VPS13C: variants seen among roughly 807,000 people sequenced by gnomAD.
VPS13C encodes the protein vacuolar protein sorting 13 homolog C, also known as intermembrane lipid transfer protein VPS13C.
Under a neutral mutation model 456.8 loss-of-function variants are expected in VPS13C, and 358 were observed. That is an observed-to-expected ratio of 0.78 (90% CI 0.72 to 0.86). The LOEUF (loss-of-function observed/expected upper bound fraction) is 0.86. Among genes scored for constraint, VPS13C ranks in the 40% least tolerant of loss-of-function variants. VPS13C has a pLI of 0.00. For synonymous variants in VPS13C, 1,578 were observed against 1,486.7 expected, an observed-to-expected ratio of 1.06 and a Z score of -1.41; for missense variants, 4,818 against 4,385.4, an observed-to-expected ratio of 1.10 and a Z score of -2.79.
At chr15:61,959,840 G>A (rs1205240397) in intron 35 of VPS13C, among the ~76,000 whole-genome samples, 1 of 152,038 alleles carries the variant, frequency 6.6e-6, no homozygotes, top group African/African-American at 2.4e-5. Context: ...GTGAAAAATT[G>A]AATAAGTTTT....
intron 35 of VPS13C, 29 bp downstream of exon 35, chr15:61,961,560 T>G: frequency 6.6e-7 from 1 of 1,515,902 alleles, no homozygotes; most frequent in Non-Finnish European, 8.8e-7. Flanking sequence ...AATATAATAT[T>G]TAAATCCATA....
At chr15:62,025,492 C>T (rs1354097829) in intron 6 of VPS13C, among the ~76,000 whole-genome samples, 1 of 152,040 alleles carries the variant, frequency 6.6e-6, no homozygotes, top group Non-Finnish European at 1.5e-5. Context: ...CCAGTCTAGC[C>T]CTGAAAACCA....
chr15:61,864,842 T>G lies in VPS13C; in HGVS notation c.10864-1314A>C, dbSNP rs762094013. On this transcript the variant is annotated intron_variant, in intron 81 of 84. Coordinates refer to ENST00000644861, the MANE Select transcript of VPS13C (RefSeq NM_020821.3). ...ATTTCTTCAAAGAGAAAATGGGAAA[T>G]GAATTTAATAATGTAATGCATTTAT... 3.7e-5 allele frequency: 36 copies of G among 980,122 alleles called. No homozygotes were observed. The South Asian group carries it at 7.6e-4, about 21-fold the overall frequency. The allele number at this position is 980,122 out of a possible 1,614,324, so 60.7% of individuals were successfully genotyped here. A position where few individuals can be genotyped will look rare whatever the true frequency, so the allele number is the denominator to read the frequency against.
chr15:61,900,869 G>C (rs907934036), intron 66 of VPS13C, among the ~76,000 whole-genome samples: 2 of 151,462 alleles, frequency 1.3e-5, no homozygotes, highest in Middle Eastern at 3.4e-3. Flanking sequence ...ATACTACAAG[G>C]CTACAGTAAC....
At chr15:62,053,897 T>A (rs772364271) in intron 1 of VPS13C, among the ~76,000 whole-genome samples, 1 of 152,158 alleles carries the variant, frequency 6.6e-6, no homozygotes, top group Admixed American at 6.5e-5. Flanking sequence ...TCTGAGGGCA[T>A]TGCACTTGGC....
At chr15:62,017,766 T>C (rs938996262) in intron 9 of VPS13C, among the ~76,000 whole-genome samples, 14 of 152,238 alleles carry the variant, frequency 9.2e-5, no homozygotes, top group Non-Finnish European at 1.5e-4. Flanking sequence ...CTTGGCAATG[T>C]GGGCTCTTTT....
intron 15 of VPS13C, among the ~76,000 whole-genome samples, chr15:62,006,752 C>T (rs964806321): frequency 6.6e-6 from 1 of 152,140 alleles, no homozygotes; most frequent in Non-Finnish European, 1.5e-5. Flanking sequence ...TTCTCCACAT[C>T]CTCTCCAGCA....
At chr15:62,011,713 C>G (rs554600276) in intron 12 of VPS13C, among the ~76,000 whole-genome samples, 1 of 151,960 alleles carries the variant, frequency 6.6e-6, no homozygotes, top group East Asian at 1.9e-4. Flanking sequence ...TCTAGAGTGG[C>G]AGGATTATGT....
In VPS13C at chr15:61,856,294, A is replaced by T; in HGVS notation, c.11068T>A (p.Ser3690Thr). The change falls in exon 83 of 85, where the codon TCA (serine) becomes ACA (threonine). Residue 3690 changes from serine to threonine, a missense_variant. By Grantham distance (58) the Ser-to-Thr change is moderately conservative. This residue lies in a region of VPS13C where 261 missense variants were observed against 234.1 expected (regional missense o/e 1.11). Coordinates refer to ENST00000644861, the MANE Select transcript of VPS13C (RefSeq NM_020821.3). The stretch of plus-strand genomic sequence containing the variant: ...GTGACATGTTTTCTTACCTTAACTG[A>T]AATTTTTAGCACATTTTCACTGACA... ...PSVSENVLKI[S>T]VKEQGLFHKK... The T allele has an allele frequency of 1.2e-6, 2 of 1,613,082 alleles. No homozygotes were observed. The highest frequency in any genetic ancestry group is 1.7e-6 in the Non-Finnish European group (2 of 1,179,404).
At chr15:62,024,369 A>G (rs1381394238) in intron 6 of VPS13C, among the ~76,000 whole-genome samples, 1 of 152,096 alleles carries the variant, frequency 6.6e-6, no homozygotes, top group Non-Finnish European at 1.5e-5. Flanking sequence ...AGTGGGCATA[A>G]CATGTACATT....
intron 1 of VPS13C, among the ~76,000 whole-genome samples, chr15:62,059,518 C>T (rs928005157): frequency 2.0e-5 from 3 of 152,158 alleles, no homozygotes; most frequent in Non-Finnish European, 4.4e-5. Flanking sequence ...CTTTTATACA[C>T]TTAATCTCCA....
Position 61,958,670 on chromosome 15 carries a change from G to A in VPS13C, c.4103C>T (p.Thr1368Ile), listed in dbSNP as rs780215776. The change falls in exon 37 of 85, where the codon ACA becomes ATA. Residue 1368 changes from threonine (T) to isoleucine (I), a missense_variant. Physicochemically the swap from Thr to Ile is moderately conservative, Grantham distance 89. Coordinates refer to ENST00000644861, the MANE Select transcript of VPS13C (RefSeq NM_020821.3). Reference sequence around the variant, plus strand: ...TTCAGTACCCTCACAGAGATTTTCTGTTAGTATCCTAAATAAAAGATTAAG... The same window carrying A: ...TTCAGTACCCTCACAGAGATTTTCTATTAGTATCCTAAATAAAAGATTAAG... ...EDLNLLFRIL[T>I]ENLCEGTEDL... The A allele has an allele frequency of 3.1e-5, 49 of 1,569,892 alleles. No homozygotes were observed. Among genetic ancestry groups the A allele is most frequent in the Non-Finnish European group, 4.0e-5 (47 of 1,163,600 alleles).
At position 61,920,545 on chromosome 15, in the gene VPS13C, T is replaced by C. The variant is rs1327500338; in HGVS notation, c.7165A>G (p.Ile2389Val). 1.1e-5 allele frequency: 18 copies of C among 1,577,500 alleles called. No homozygotes were observed. The highest frequency in any genetic ancestry group is 1.4e-5 in the Non-Finnish European group (16 of 1,168,168). ...TTAAGACAACTTTTGGATATTGTTA[T>C]ATTCATTGTATTTCCTGAAGAAATA... is the stretch of plus-strand genomic sequence containing the variant. ...IHISSGNTMNITISKSCLNVF... is the reference protein window; with the variant it reads ...IHISSGNTMNVTISKSCLNVF... The change falls in exon 56 of 85, where the codon ATA becomes GTA. Residue 2389 changes from isoleucine (I) to valine (V), a missense_variant. Physicochemically the swap from Ile to Val is conservative, Grantham distance 29. Transcript: ENST00000644861.
intron 5 of VPS13C, among the ~76,000 whole-genome samples, chr15:62,028,926 C>T (rs553192807): frequency 6.6e-6 from 1 of 152,078 alleles, no homozygotes; most frequent in Non-Finnish European, 1.5e-5. Flanking sequence ...ATAGCATCTT[C>T]TACTTCGCTC....
At chr15:62,018,099 G>A (rs1036282872) in intron 9 of VPS13C, among the ~76,000 whole-genome samples, 2 of 152,110 alleles carry the variant, frequency 1.3e-5, no homozygotes, top group Non-Finnish European at 2.9e-5. Context: ...TCTGTTATTG[G>A]TGTATAAGAA....
chr15:61,890,452 A>T, intron 66 of VPS13C, 52 bp from the exon 67 acceptor site: 2 of 1,467,440 alleles, frequency 1.4e-6, no homozygotes, highest in Non-Finnish European at 1.9e-6. Context: ...TTGTTATTAT[A>T]TAAAATTGAA....
At chr15:62,020,207 T>C (rs1293300712) in intron 9 of VPS13C, among the ~76,000 whole-genome samples, 2 of 151,874 alleles carry the variant, frequency 1.3e-5, no homozygotes, top group East Asian at 1.9e-4. Flanking sequence ...CTTCCCCTAC[T>C]TCCCCCACAT....
At chr15:61,918,954 T>C (rs563707208) in intron 58 of VPS13C, among the ~76,000 whole-genome samples, 2 of 152,212 alleles carry the variant, frequency 1.3e-5, no homozygotes, top group South Asian at 2.1e-4. Flanking sequence ...GAGAATGGAA[T>C]GTTTCCTAAC....
chr15:62,011,898 TGC>T (rs2047051442), intron 12 of VPS13C, among the ~76,000 whole-genome samples: 1 of 152,042 alleles, frequency 6.6e-6, no homozygotes, highest in Non-Finnish European at 1.5e-5. Context: ...ACAGCTATAC[TGC>T]CCTTCTCTCT....
Sources: gnomAD v4.1 joint callset for allele counts (sites outside exome capture counted in the v4.1 genomes callset) on GRCh38, gnomAD v4.1.1 for gene constraint, gnomAD v4.1.1 regional missense constraint, MANE v1.5 for transcripts, NCBI Gene and HGNC (gene_info 2026-07-23, HGNC 2026-07-21) for gene names.